CDH13: variants seen among roughly 807,000 people sequenced by gnomAD.
CDH13 encodes the protein cadherin 13.
CDH13 carries 24 observed loss-of-function variants against 63.8 expected under a neutral mutation model. The ratio of observed to expected loss-of-function variants is 0.38; its 90% CI spans 0.27 to 0.53. The LOEUF (loss-of-function observed/expected upper bound fraction) is 0.53. Ranked by LOEUF, CDH13 falls within the 20% of genes least tolerant of loss-of-function variation. The pLI is 0.85. For missense variants in CDH13, 1,049 were observed against 903.1 expected (o/e 1.16, Z -2.07); for synonymous variants, 503 against 355.3 (o/e 1.42, Z -4.67).
intron 1 of CDH13, among the ~76,000 whole-genome samples, chr16:82,831,248 C>T (rs527502583): frequency 1.3e-5 from 2 of 152,218 alleles, no homozygotes; most frequent in African/African-American, 4.8e-5. Flanking sequence ...TGGTGATTTG[C>T]CAATCATTAG....
intron 2 of CDH13, among the ~76,000 whole-genome samples, chr16:82,984,946 C>G (rs761312120): frequency 1.3e-5 from 2 of 152,166 alleles, no homozygotes; most frequent in South Asian, 4.1e-4. Flanking sequence ...AATATTCCTA[C>G]TTAGCTGCTT....
At chr16:83,039,575 C>A (rs1275553591) in intron 3 of CDH13, among the ~76,000 whole-genome samples, 1 of 152,154 alleles carries the variant, frequency 6.6e-6, no homozygotes, top group Admixed American at 6.5e-5. Flanking sequence ...AATATAGGAA[C>A]AGTCTCTTCC....
intron 4 of CDH13, among the ~76,000 whole-genome samples, chr16:83,189,903 C>T (rs2038643727): frequency 6.6e-6 from 1 of 152,172 alleles, no homozygotes; most frequent in Non-Finnish European, 1.5e-5. Context: ...GAGTAAGTCT[C>T]ATGAGATCTG....
intron 3 of CDH13, among the ~76,000 whole-genome samples, chr16:83,101,436 C>CAAA (rs201355615): frequency 5.2e-5 from 7 of 135,390 alleles, no homozygotes; most frequent in African/African-American, 1.4e-4. Flanking sequence ...GTGATATTGC[C>CAAA]AAAAAAAAAA....
chr16:83,282,045 T>C (rs2089190837), intron 5 of CDH13, among the ~76,000 whole-genome samples: 1 of 152,184 alleles, frequency 6.6e-6, no homozygotes, highest in Non-Finnish European at 1.5e-5. Context: ...TGGCTTAATT[T>C]AAATATTGTG....
chr16:82,722,703 G>A lies in CDH13; in HGVS notation c.45+95566G>A, dbSNP rs560531963. ...GGACAGGTACCTACTACGAGCACCT[G>A]CCATTGTATGCAAGCTCTGCCTAGT... is the stretch of plus-strand genomic sequence containing the variant. On this transcript the variant is annotated intron_variant, in intron 1 of 13. Transcript: ENST00000567109. 3.9e-5 allele frequency among the ~76,000 whole-genome samples: 6 copies of A among 152,280 alleles called. No individual in the cohort carries two copies. The East Asian group carries it at 1.2e-3, about 29-fold the overall frequency.
At chr16:83,759,203 C>G (rs1450550125) in intron 11 of CDH13, among the ~76,000 whole-genome samples, 1 of 152,134 alleles carries the variant, frequency 6.6e-6, no homozygotes, top group Non-Finnish European at 1.5e-5. Context: ...AACAAGCTGA[C>G]CAATGCAATA....
intron 2 of CDH13, among the ~76,000 whole-genome samples, chr16:83,023,825 A>G (rs145091764): frequency 2.0e-5 from 3 of 152,332 alleles, no homozygotes; most frequent in African/African-American, 4.8e-5. Context: ...GGATATGATT[A>G]TAATTGGTGA....
At chr16:83,679,097 T>TTAATAATAATAA (rs58075126) in intron 10 of CDH13, among the ~76,000 whole-genome samples, 1 of 150,984 alleles carries the variant, frequency 6.6e-6, no homozygotes, top group East Asian at 1.9e-4. Flanking sequence ...CAGGCAAAAA[T>TTAATAATAATAA]TAATAATAAT....
chr16:82,836,076 T>C (rs961367073), intron 1 of CDH13, among the ~76,000 whole-genome samples: 1 of 152,160 alleles, frequency 6.6e-6, no homozygotes, highest in African/African-American at 2.4e-5. Context: ...GGGCCCTAAG[T>C]GTGAATATGA....
intron 8 of CDH13, among the ~76,000 whole-genome samples, chr16:83,652,436 G>A (rs528998066): frequency 6.6e-6 from 1 of 152,254 alleles, no homozygotes; most frequent in East Asian, 1.9e-4. Flanking sequence ...TGCCATGCTG[G>A]GGGTGGGATT....
At chr16:83,528,005 C>T (rs572142155) in intron 7 of CDH13, among the ~76,000 whole-genome samples, 2 of 152,138 alleles carry the variant, frequency 1.3e-5, no homozygotes, top group South Asian at 2.1e-4. Flanking sequence ...GGGAGTTTAT[C>T]GGGAAGGCCA....
chr16:83,168,307 C>T (rs1286354209), intron 4 of CDH13, among the ~76,000 whole-genome samples: 1 of 151,968 alleles, frequency 6.6e-6, no homozygotes, highest in East Asian at 1.9e-4. Context: ...ATGGACGGTG[C>T]CATCCATTAT....
chr16:82,738,968 T>C (rs1030019887), intron 1 of CDH13, among the ~76,000 whole-genome samples: 5 of 152,232 alleles, frequency 3.3e-5, no homozygotes, highest in African/African-American at 9.6e-5. Flanking sequence ...TTTTAGTGGA[T>C]AAAGTTAATG....
At chr16:82,960,524 A>G (rs961405801) in intron 2 of CDH13, among the ~76,000 whole-genome samples, 1 of 152,180 alleles carries the variant, frequency 6.6e-6, no homozygotes, top group Non-Finnish European at 1.5e-5. Flanking sequence ...GTCTATAAAT[A>G]TGCCCGATGC....
chr16:83,537,583 A>T (rs1463879948), intron 7 of CDH13, among the ~76,000 whole-genome samples: 2 of 152,160 alleles, frequency 1.3e-5, no homozygotes, highest in African/African-American at 2.4e-5. Context: ...TCATTACTGT[A>T]GGGCTTCTCA....
intron 10 of CDH13, 82 bp downstream of exon 10, chr16:83,678,543 G>T: frequency 6.6e-7 from 1 of 1,511,162 alleles, no homozygotes; most frequent in South Asian, 1.2e-5. Context: ...TGGTTGTCAG[G>T]AGCAGACACC....
At chr16:83,650,484 A>G (rs1379727856) in intron 8 of CDH13, among the ~76,000 whole-genome samples, 1 of 152,176 alleles carries the variant, frequency 6.6e-6, no homozygotes, top group Non-Finnish European at 1.5e-5. Context: ...TACACAGGCA[A>G]CTGTCATGTA....
At chr16:82,973,974 G>C (rs1449036604) in intron 2 of CDH13, among the ~76,000 whole-genome samples, 1 of 152,064 alleles carries the variant, frequency 6.6e-6, no homozygotes, top group South Asian at 2.1e-4. Context: ...CCAGGCTGGA[G>C]TGCAGTGGTG....
Sources: allele counts gnomAD v4.1 joint callset (sites outside exome capture counted in the v4.1 genomes callset), GRCh38; gene constraint gnomAD v4.1.1; transcripts MANE v1.5; gene names NCBI Gene and HGNC (gene_info 2026-07-23, HGNC 2026-07-21).